ARHGAP6: variants seen among roughly 807,000 people sequenced by gnomAD.
ARHGAP6 encodes Rho GTPase activating protein 6, also known as rho GTPase-activating protein 6.
ARHGAP6 carries 16 observed loss-of-function variants against 55.7 expected under a neutral mutation model. The ratio of observed to expected loss-of-function variants is 0.29; its 90% CI spans 0.19 to 0.44. The LOEUF (loss-of-function observed/expected upper bound fraction) is 0.44. Ranked by LOEUF, ARHGAP6 falls within the 20% of genes least tolerant of loss-of-function variation. The pLI is 1.00. For missense variants in ARHGAP6, 698 were observed against 808.9 expected (o/e 0.86, Z 1.66); for synonymous variants, 382 against 360.9 (o/e 1.06, Z -0.66).
intron 10 of ARHGAP6, among the ~76,000 whole-genome samples, chrX:11,151,919 A>T (rs1276096430): frequency 8.9e-6 from 1 of 112,122 alleles, no homozygotes; most frequent in Non-Finnish European, 1.9e-5. Flanking sequence ...TTTAGACACA[A>T]TGCTATAACT....
chrX:11,214,283 ACGTGTGTGTGTG>A (rs2147397348), intron 2 of ARHGAP6, among the ~76,000 whole-genome samples: 1 of 108,884 alleles, frequency 9.2e-6, no homozygotes, highest in Non-Finnish European at 1.9e-5. Context: ...ACACACACAC[ACGTGTGTGTGTG>A]CACATACATA....
intron 10 of ARHGAP6, 116 bp from the exon 11 acceptor site, chrX:11,144,364 CAAA>C: frequency 3.1e-6 from 3 of 977,866 alleles, no homozygotes; most frequent in Non-Finnish European, 4.2e-6. Flanking sequence ...CGGGCTGAAA[CAAA>C]AAGACCATTT....
At chrX:11,579,167 C>A (rs1288859368) in intron 1 of ARHGAP6, among the ~76,000 whole-genome samples, 1 of 111,093 alleles carries the variant, frequency 9.0e-6, no homozygotes, top group Non-Finnish European at 1.9e-5. Context: ...TGTACATGTA[C>A]CCTAGAACTA....
At chrX:11,249,364 A>G (rs772415580) in intron 2 of ARHGAP6, among the ~76,000 whole-genome samples, 175 of 111,739 alleles carry the variant, frequency 1.6e-3, no homozygotes, top group Non-Finnish European at 2.0e-3. Flanking sequence ...CTCACAGATC[A>G]CCACTAAAGA....
chrX:11,480,542 G>A (rs763572864), intron 1 of ARHGAP6, among the ~76,000 whole-genome samples: 2 of 111,901 alleles, frequency 1.8e-5, no homozygotes, highest in Admixed American at 9.5e-5. Context: ...GGTTATGGTT[G>A]TACACCTCTG....
At position 11,361,568 on chromosome X, in the gene ARHGAP6, C is replaced by T. The variant is rs1424057482; in HGVS notation, c.589-106861G>A. On this transcript the variant is annotated intron_variant, in intron 1 of 12. Coordinates refer to ENST00000337414, the MANE Select transcript of ARHGAP6 (RefSeq NM_013427.3). ...TAAAAACCCTAGAAGAAAACCTAGG[C>T]AATACCATTCAGGACATAGGCATGG... Among the ~76,000 whole-genome samples the T allele has an allele frequency of 3.6e-5, 4 of 109,968 alleles. No homozygotes were observed. The South Asian group carries it at 1.6e-3, about 44-fold the overall frequency.
intron 9 of ARHGAP6, among the ~76,000 whole-genome samples, chrX:11,165,764 G>A (rs1248344247): frequency 2.7e-5 from 3 of 110,765 alleles, no homozygotes; most frequent in African/African-American, 6.6e-5. Flanking sequence ...GTTTCCAAAG[G>A]TGTGGTTAGG....
chrX:11,636,062 T>A (rs2052415097), intron 1 of ARHGAP6, among the ~76,000 whole-genome samples: 1 of 111,691 alleles, frequency 9.0e-6, no homozygotes, highest in Non-Finnish European at 1.9e-5. Context: ...ATCTGGGCCG[T>A]CAAAAGTGGG....
intron 1 of ARHGAP6, among the ~76,000 whole-genome samples, chrX:11,496,147 C>T (rs2050619935): frequency 8.9e-6 from 1 of 112,326 alleles, no homozygotes; most frequent in Admixed American, 9.4e-5. Flanking sequence ...AACTCCTGAC[C>T]CACAGAAACT....
chrX:11,444,900 A>C (rs949749347), intron 1 of ARHGAP6, among the ~76,000 whole-genome samples: 1 of 111,956 alleles, frequency 8.9e-6, no homozygotes, highest in Admixed American at 9.5e-5. Flanking sequence ...TTTAACACCA[A>C]AGGAATGACT....
chrX:11,370,845 A>G (rs1468242778), intron 1 of ARHGAP6, among the ~76,000 whole-genome samples: 1 of 111,152 alleles, frequency 9.0e-6, no homozygotes, highest in Non-Finnish European at 1.9e-5. Context: ...ATCTTGAGTT[A>G]ACTATTCTTG....
intron 1 of ARHGAP6, among the ~76,000 whole-genome samples, chrX:11,534,001 A>G (rs543951146): frequency 2.3e-4 from 26 of 112,229 alleles, no homozygotes; most frequent in Admixed American, 2.3e-3. Flanking sequence ...ACATGGAGAA[A>G]GAACTGGAGG....
chrX:11,402,010 G>T (rs1270361624), intron 1 of ARHGAP6, among the ~76,000 whole-genome samples: 1 of 111,740 alleles, frequency 8.9e-6, no homozygotes, highest in Admixed American at 9.5e-5. Flanking sequence ...ATAACTTTAT[G>T]TACATCATTC....
At chrX:11,297,546 G>A (rs769808912) in intron 1 of ARHGAP6, among the ~76,000 whole-genome samples, 2 of 112,236 alleles carry the variant, frequency 1.8e-5, no homozygotes, top group South Asian at 3.7e-4. Flanking sequence ...ATTAAATGCC[G>A]TATTACTATA....
chrX:11,593,563 A>G (rs185861519), intron 1 of ARHGAP6, among the ~76,000 whole-genome samples: 121 of 111,924 alleles, frequency 1.1e-3, no homozygotes, highest in African/African-American at 3.5e-3. Context: ...CCAAGAGTGA[A>G]CCCTAACGTT....
At chrX:11,223,665 T>G (rs1359570578) in intron 2 of ARHGAP6, among the ~76,000 whole-genome samples, 2 of 112,081 alleles carry the variant, frequency 1.8e-5, no homozygotes, top group Non-Finnish European at 3.8e-5. Flanking sequence ...TTTAGTTAAA[T>G]TGTTTTCACT....
chrX:11,174,350 C>G (rs1602777112), intron 8 of ARHGAP6, among the ~76,000 whole-genome samples: 1 of 111,745 alleles, frequency 8.9e-6, no homozygotes, highest in South Asian at 3.8e-4. Context: ...CAGTGCATTC[C>G]CTAATTCTAT....
At chrX:11,329,598 A>C (rs2048538204) in intron 1 of ARHGAP6, among the ~76,000 whole-genome samples, 1 of 112,530 alleles carries the variant, frequency 8.9e-6, no homozygotes, top group African/African-American at 3.2e-5. Flanking sequence ...AATGATGAGG[A>C]TATATCCTGA....
At chrX:11,641,576 G>A (rs929090790) in intron 1 of ARHGAP6, among the ~76,000 whole-genome samples, 1 of 111,362 alleles carries the variant, frequency 9.0e-6, no homozygotes, top group Non-Finnish European at 1.9e-5. Context: ...CAATAAATTT[G>A]GTCATATAGA....
Sources: allele counts gnomAD v4.1 joint callset (sites outside exome capture counted in the v4.1 genomes callset), GRCh38; gene constraint gnomAD v4.1.1; transcripts MANE v1.5; gene names NCBI Gene and HGNC (gene_info 2026-07-23, HGNC 2026-07-21).